Variants in CUL2 observed in about 807,000 individuals in gnomAD.
CUL2 encodes the protein cullin 2, also known as cullin-2.
A neutral mutation model predicts 110.2 loss-of-function variants in CUL2; 22 were observed. The ratio of observed to expected loss-of-function variants is 0.20; its 90% CI spans 0.14 to 0.28. The LOEUF is 0.28. CUL2 is among the 10% of genes least tolerant of loss of function. CUL2 has a pLI of 1.00. For synonymous variants in CUL2, 279 were observed against 293.2 expected (o/e 0.95, Z 0.49); for missense variants, 631 against 905.5 (o/e 0.70, Z 3.89).
chr10:35,120,183 T>C (rs1387994089), intron 1 of CUL2: 1 of 152,218 alleles, frequency 6.6e-6, no homozygotes, highest in African/African-American at 2.4e-5. Context: ...TGAGTGAATC[T>C]GTACACAGAA....
intron 17 of CUL2, among the ~76,000 whole-genome samples, chr10:35,016,950 A>C (rs1284017577): frequency 6.6e-6 from 1 of 151,806 alleles, no homozygotes; most frequent in African/African-American, 2.4e-5. Context: ...AAACAAAAAA[A>C]AAAGTCTTTA....
Position 35,010,324 on chromosome 10 carries a change from C to A in CUL2, c.2225G>T (p.Ser742Ile). The change falls in exon 21 of 21, where the codon AGC (serine) becomes ATC (isoleucine). Residue 742 changes from serine to isoleucine, a missense_variant. Around this residue, in one of 3 missense-constraint regions of CUL2, gnomAD observed 159 missense variants for 202.7 expected, o/e 0.78. Coordinates refer to ENST00000374749, the MANE Select transcript of CUL2 (RefSeq NM_003591.4). ...ERSQASADEYSYVA is the reference protein window; with the variant it reads ...ERSQASADEYIYVA ...AGGAGAGCGACATCACGCGACGTAGCTGTATTCATCTGCCGACGCCTGGCT... is the reference window on the plus strand; with the variant it reads ...AGGAGAGCGACATCACGCGACGTAGATGTATTCATCTGCCGACGCCTGGCT... The A allele has an allele frequency of 6.2e-7, 1 of 1,609,894 alleles. No homozygotes were observed. Among genetic ancestry groups the A allele is most frequent in the Non-Finnish European group, 8.5e-7 (1 of 1,178,046 alleles).
intron 1 of CUL2, among the ~76,000 whole-genome samples, chr10:35,112,430 C>G (rs2087534650): frequency 6.6e-6 from 1 of 152,130 alleles, no homozygotes; most frequent in Non-Finnish European, 1.5e-5. Flanking sequence ...TTTTCAGGCT[C>G]CAGTGCAGGT....
intron 5 of CUL2, among the ~76,000 whole-genome samples, chr10:35,051,735 A>C (rs1340068525): frequency 6.6e-6 from 1 of 152,234 alleles, no homozygotes; most frequent in Non-Finnish European, 1.5e-5. Flanking sequence ...TGAAACGCCC[A>C]TTCCTAATTT....
intron 8 of CUL2, among the ~76,000 whole-genome samples, chr10:35,042,435 T>C (rs887631641): frequency 2.0e-5 from 3 of 152,172 alleles, no homozygotes; most frequent in African/African-American, 4.8e-5. Context: ...GTTACAGTCT[T>C]TAGTTATAAT....
chr10:35,078,271 T>C (rs1185061680), intron 1 of CUL2, among the ~76,000 whole-genome samples: 1 of 151,898 alleles, frequency 6.6e-6, no homozygotes, highest in Admixed American at 6.6e-5. Flanking sequence ...ATAAAAAATA[T>C]ATATGTTTGT....
upstream of CUL2, among the ~76,000 whole-genome samples, chr10:35,092,636 A>G (rs751000336): frequency 2.6e-5 from 4 of 152,214 alleles, no homozygotes; most frequent in Non-Finnish European, 4.4e-5. Flanking sequence ...TTTGCAAAAC[A>G]TGATAGTAAG....
intron 1 of CUL2, among the ~76,000 whole-genome samples, chr10:35,115,316 C>T (rs187851260): frequency 5.6e-4 from 85 of 152,226 alleles, no homozygotes; most frequent in Non-Finnish European, 1.0e-3. Context: ...AATCCCAGCA[C>T]TTTGGGAGGC....
intron 6 of CUL2, among the ~76,000 whole-genome samples, chr10:35,048,601 G>C (rs2086011670): frequency 6.6e-6 from 1 of 152,144 alleles, no homozygotes. Context: ...GTTTTGTTGG[G>C]AGTGTTCTTT....
chr10:35,101,019 AC>A (rs2087370824), exon 2 of CUL2: 1 of 152,172 alleles, frequency 6.6e-6, no homozygotes, highest in African/African-American at 2.4e-5. Context: ...ATTTCTGACC[AC>A]TTGAGCCTTG....
Position 35,031,272 on chromosome 10 carries a change from A to G in CUL2, c.1386+28T>C. ...ATGTGCTTGTGAATGAATTTCTAGG[A>G]CAATACCACATTAAAGACTTACATT... On this transcript the variant is annotated intron_variant, in intron 14 of 20. Coordinates refer to ENST00000374749, the MANE Select transcript of CUL2 (RefSeq NM_003591.4). This position sits in a 1 kb window ranked among gnomAD's most constrained non-coding sequence, Gnocchi z 4.4. 5 of 1,394,330 alleles carry G rather than the reference A, an allele frequency of 3.6e-6. No individual in the cohort carries two copies. The highest frequency in any genetic ancestry group is 5.0e-6 in the Non-Finnish European group (5 of 1,004,708). 86.4% of individuals were successfully genotyped at this position (1,394,330 alleles called of 1,614,324 possible).
intron 1 of CUL2, chr10:35,089,906 T>C (rs2087163896): frequency 1.3e-5 from 2 of 152,212 alleles, no homozygotes; most frequent in African/African-American, 4.8e-5. Context: ...CTTCCCTCCT[T>C]CGAAGGAAAA....
rs2085397627 is a variant in CUL2, at chr10:35,028,870, A to G, written c.1557T>C (p.Leu519=). The G allele has an allele frequency of 3.1e-6, 5 of 1,610,566 alleles. No individual in the cohort carries two copies. In the South Asian group the frequency reaches 5.5e-5, roughly 18 times the overall value. ...IYVLQAGAWP[L]TQAPSSTFAI... is the part of the protein sequence containing the mutation. ...CAAACGTAGATGAAGGAGCCTGAGT[A>G]AGAGGCCACGCACCAGCCTAGAAGG... Residue 519 remains leucine (L), a synonymous_variant, in exon 16 of 21, where the codon CTT becomes CTC. Coordinates refer to ENST00000374749, the MANE Select transcript of CUL2 (RefSeq NM_003591.4).
intron 4 of CUL2, among the ~76,000 whole-genome samples, chr10:35,057,940 A>T (rs1368281466): frequency 6.6e-6 from 1 of 151,804 alleles, no homozygotes; most frequent in East Asian, 1.9e-4. Context: ...CTAAAAAAAA[A>T]TACAAAAATT....
chr10:35,086,344 G>A (rs2087065064), intron 1 of CUL2, among the ~76,000 whole-genome samples: 1 of 151,998 alleles, frequency 6.6e-6, no homozygotes, highest in Non-Finnish European at 1.5e-5. Flanking sequence ...TGTCACCCAG[G>A]CTGGAGTATA....
chr10:35,121,511 A>C (rs892024863), intron 1 of CUL2, among the ~76,000 whole-genome samples: 8 of 152,262 alleles, frequency 5.3e-5, no homozygotes, highest in Non-Finnish European at 1.0e-4. Context: ...CACTTTATGC[A>C]GTACTAGGAT....
intron 1 of CUL2, among the ~76,000 whole-genome samples, chr10:35,125,177 T>G (rs1038758358): frequency 3.3e-5 from 5 of 152,154 alleles, no homozygotes; most frequent in African/African-American, 9.7e-5. Flanking sequence ...AACTGCATGG[T>G]TTTTAAGTCT....
At chr10:35,122,969 A>G (rs1213549734) in intron 1 of CUL2, among the ~76,000 whole-genome samples, 2 of 152,118 alleles carry the variant, frequency 1.3e-5, no homozygotes, top group Non-Finnish European at 2.9e-5. Flanking sequence ...GAACCCATCT[A>G]TATAAAAAAA....
At chr10:35,074,236 A>T in intron 1 of CUL2, 1 of 1,534,638 alleles carries the variant, frequency 6.5e-7, no homozygotes, top group Non-Finnish European at 8.7e-7. Flanking sequence ...TAAAGTACAA[A>T]GTTTGTTGTT....
Sources: gnomAD v4.1 joint callset for allele counts (sites outside exome capture counted in the v4.1 genomes callset) on GRCh38, gnomAD v4.1.1 for gene constraint, gnomAD v4.1.1 regional missense constraint, Gnocchi (gnomAD v3.1) non-coding constraint, MANE v1.5 for transcripts, NCBI Gene and HGNC (gene_info 2026-07-23, HGNC 2026-07-21) for gene names.